PNPT1: variants seen among roughly 807,000 people sequenced by gnomAD.
PNPT1 encodes the protein polyribonucleotide nucleotidyltransferase 1.
In PNPT1, 53 loss-of-function variants were observed where a neutral mutation model predicts 119.5. The observed-to-expected ratio is 0.44, with a 90% CI of 0.36 to 0.56. The LOEUF (loss-of-function observed/expected upper bound fraction) is 0.56, where lower values mean the gene tolerates loss of function less well. PNPT1 is among the 20% of genes least tolerant of loss of function. The pLI is 0.00. For synonymous variants in PNPT1, 357 were observed against 322.1 expected, an observed-to-expected ratio of 1.11 and a Z score of -1.16; for missense variants, 948 against 938.5, an observed-to-expected ratio of 1.01 and a Z score of -0.13.
In PNPT1 at chr2:55,685,050, T is replaced by C. The variant is rs1478363532; in HGVS notation, c.298-2A>G. 1.3e-6 allele frequency: 2 copies of C among 1,569,172 alleles called. No individual in the cohort carries two copies. Among genetic ancestry groups the C allele is most frequent in the African/African-American group, 1.4e-5 (1 of 73,494 alleles). ...AGCAGCTTTTTGTCTGTAGTCAACCTGAAGCAGCAATAAAAAAAAGTTCAT... is the reference window on the plus strand; with the variant it reads ...AGCAGCTTTTTGTCTGTAGTCAACCCGAAGCAGCAATAAAAAAAAGTTCAT... On this transcript the variant is annotated splice_acceptor_variant, in intron 3 of 27. Coordinates refer to ENST00000447944, the MANE Select transcript of PNPT1 (RefSeq NM_033109.5). LOFTEE classifies it high-confidence loss of function.
At chr2:55,676,616 C>A (rs1697080909) in intron 8 of PNPT1, among the ~76,000 whole-genome samples, 1 of 152,090 alleles carries the variant, frequency 6.6e-6, no homozygotes, top group Non-Finnish European at 1.5e-5. Context: ...AATCCCGGCA[C>A]TTCGGGAGGC....
chr2:55,643,443 T>G lies in PNPT1; in HGVS notation c.1907-18A>C, dbSNP rs1271230580. 6.2e-7 allele frequency: 1 copy of G among 1,605,984 alleles called. No homozygotes were observed. Among genetic ancestry groups the G allele is most frequent in the Non-Finnish European group, 8.5e-7 (1 of 1,173,830 alleles). ...AGTTACACCTTTTAAAAACAAAATG[T>G]AACATATTAAAGTTAACTTGGCTGG... is the stretch of plus-strand genomic sequence containing the variant. On this transcript the variant is annotated intron_variant, in intron 23 of 27. Coordinates refer to ENST00000447944, the MANE Select transcript of PNPT1 (RefSeq NM_033109.5).
chr2:55,691,446 A>T (rs914536967), intron 1 of PNPT1, among the ~76,000 whole-genome samples: 3 of 152,258 alleles, frequency 2.0e-5, no homozygotes, highest in African/African-American at 7.2e-5. Flanking sequence ...GGCAAACAAG[A>T]CAAAAATGAA....
rs931143023 is a variant in PNPT1 at position 55,693,824 on chromosome 2, G to A, written c.-1C>T. The stretch of plus-strand genomic sequence containing the variant: ...AGCAGCAGTACCTGCAGGCCGCCAT[G>A]ACACCCGGCACGCGGTCAACGCAGG... On this transcript the variant is annotated 5_prime_UTR_variant, in exon 1 of 28. Coordinates refer to ENST00000447944, the MANE Select transcript of PNPT1 (RefSeq NM_033109.5). 2 of 1,613,216 alleles carry A rather than the reference G, an allele frequency of 1.2e-6. No individual in the cohort carries two copies. Among genetic ancestry groups the A allele is most frequent in the African/African-American group, 2.7e-5 (2 of 74,952 alleles).
intron 3 of PNPT1, 48 bp downstream of exon 3, chr2:55,686,322 A>G (rs1346324988): frequency 2.6e-6 from 4 of 1,520,414 alleles, no homozygotes; most frequent in African/African-American, 2.8e-5. Context: ...TACATTCTAC[A>G]CTTTACTCAG....
intron 18 of PNPT1, among the ~76,000 whole-genome samples, chr2:55,651,046 C>G: frequency 6.8e-6 from 1 of 146,600 alleles, no homozygotes; most frequent in Middle Eastern, 3.6e-3. Context: ...CTCTGCCTGG[C>G]CGGCCGCCCC....
chr2:55,647,513 T>A, intron 18 of PNPT1, 60 bp from the exon 19 acceptor site: 1 of 1,343,696 alleles, frequency 7.4e-7, no homozygotes, highest in Non-Finnish European at 1.0e-6. Flanking sequence ...AACAAATATT[T>A]ATCTATCAAT....
intron 27 of PNPT1, 87 bp downstream of exon 27, chr2:55,637,465 T>C: frequency 8.2e-7 from 1 of 1,223,972 alleles, no homozygotes; most frequent in Non-Finnish European, 1.2e-6. Flanking sequence ...TCATAGATGG[T>C]GACTCTTCTT....
At chr2:55,667,554 C>T (rs1056253908) in intron 12 of PNPT1, among the ~76,000 whole-genome samples, 3 of 151,296 alleles carry the variant, frequency 2.0e-5, no homozygotes, top group Non-Finnish European at 4.4e-5. Context: ...AGATTGCACT[C>T]CAGCCTGGGT....
chr2:55,639,826 C>A (rs1326413000), intron 26 of PNPT1, among the ~76,000 whole-genome samples: 2 of 152,050 alleles, frequency 1.3e-5, no homozygotes, highest in Non-Finnish European at 2.9e-5. Flanking sequence ...ATTAAAACAT[C>A]CAATTTTCTT....
intron 11 of PNPT1, among the ~76,000 whole-genome samples, chr2:55,670,502 C>T (rs1323572265): frequency 6.6e-6 from 1 of 152,118 alleles, no homozygotes; most frequent in Non-Finnish European, 1.5e-5. Flanking sequence ...TGATATTATA[C>T]AGTAAGATCC....
At chr2:55,655,848 G>C (rs1262841745) in intron 17 of PNPT1, among the ~76,000 whole-genome samples, 2 of 152,082 alleles carry the variant, frequency 1.3e-5, no homozygotes, top group East Asian at 3.9e-4. Context: ...TCCTCTCTCT[G>C]TTAACCTTGT....
chr2:55,663,322 C>T (rs1696639082), intron 13 of PNPT1, among the ~76,000 whole-genome samples: 1 of 152,134 alleles, frequency 6.6e-6, no homozygotes, highest in Non-Finnish European at 1.5e-5. Context: ...GATGAATGAA[C>T]AGAAATTGCC....
intron 8 of PNPT1, among the ~76,000 whole-genome samples, chr2:55,675,321 C>T (rs1456006216): frequency 6.6e-6 from 1 of 150,674 alleles, no homozygotes; most frequent in East Asian, 1.9e-4. Context: ...GGGCATGGGG[C>T]TCATGCTTGT....
rs759919560 is a variant in PNPT1 at position 55,646,281 on chromosome 2, C to A, written c.1716G>T (p.Met572Ile). 5.0e-6 allele frequency: 8 copies of A among 1,613,240 alleles called. No individual in the cohort carries two copies. The highest frequency in any genetic ancestry group is 6.8e-6 in the Non-Finnish European group (8 of 1,179,434). Residue 572 changes from methionine to isoleucine, a missense_variant, in exon 21 of 28, where the codon ATG becomes ATT. Transcript: ENST00000447944. The stretch of plus-strand genomic sequence containing the variant: ...CACCTGAAGCTTGTTGAATAGCCTC[C>A]ATCACAATTTTTATTGGTATTCCAG... ...KLPGIPIKIV[M>I]EAIQQASVAK...
chr2:55,689,747 G>T (rs1697531087), intron 1 of PNPT1, among the ~76,000 whole-genome samples: 1 of 152,200 alleles, frequency 6.6e-6, no homozygotes, highest in Admixed American at 6.5e-5. Context: ...TGATAGAAGT[G>T]TTCTAAAATT....
At chr2:55,641,218 G>T (rs181787160) in intron 25 of PNPT1, among the ~76,000 whole-genome samples, 1 of 151,270 alleles carries the variant, frequency 6.6e-6, no homozygotes, top group Admixed American at 6.6e-5. Context: ...GTGAGACTCC[G>T]TCTCAACAAA....
At chr2:55,658,466 T>C (rs886472721) in intron 15 of PNPT1, among the ~76,000 whole-genome samples, 1 of 152,200 alleles carries the variant, frequency 6.6e-6, no homozygotes, top group Non-Finnish European at 1.5e-5. Context: ...GTTACAAGGA[T>C]ATTTGCCTTA....
intron 18 of PNPT1, among the ~76,000 whole-genome samples, chr2:55,651,885 CAAAAAAAAA>C: frequency 7.5e-5 from 9 of 119,762 alleles, no homozygotes; most frequent in African/African-American, 2.6e-4. Context: ...AAAGGAAAGT[CAAAAAAAAA>C]AAAAAAAAAA....
Sources: allele counts gnomAD v4.1 joint callset (sites outside exome capture counted in the v4.1 genomes callset), GRCh38; gene constraint gnomAD v4.1.1; transcripts MANE v1.5; gene names NCBI Gene and HGNC (gene_info 2026-07-23, HGNC 2026-07-21).